The following SDK2 variants were observed in gnomAD, a reference collection of about 807,000 sequenced individuals.
The protein encoded by SDK2 is protein sidekick-2.
In SDK2, 105 loss-of-function variants were observed where a neutral mutation model predicts 253.9. The observed-to-expected ratio is 0.41, with a 90% CI of 0.35 to 0.49. The LOEUF (loss-of-function observed/expected upper bound fraction) is 0.49. Among genes scored for constraint, SDK2 ranks in the 20% least tolerant of loss-of-function variants. The probability of loss-of-function intolerance (pLI) is 0.06; values close to 1 mark genes in which losing one functional copy is unlikely to be tolerated. For missense variants in SDK2, 2,608 were observed against 3,003.0 expected, an observed-to-expected ratio of 0.87 and a Z score of 3.07; for synonymous variants, 1,249 against 1,234.9, an observed-to-expected ratio of 1.01 and a Z score of -0.24.
Position 73,610,543 on chromosome 17 carries a change from C to G in SDK2, c.64+33482G>C, listed in dbSNP as rs145937743. On this transcript the variant is annotated intron_variant, in intron 1 of 44. Transcript: ENST00000392650. Reference sequence around the variant, plus strand: ...GGATCTGACTCACAGGACTGCTTCACTGCAGCCACAAGACGGCCAGGAGAG... The same window carrying G: ...GGATCTGACTCACAGGACTGCTTCAGTGCAGCCACAAGACGGCCAGGAGAG... Among the ~76,000 whole-genome samples, 482 of 152,336 alleles carry G rather than the reference C, an allele frequency of 3.2e-3. 4 individuals carry two copies. The highest frequency in any genetic ancestry group is 0.011 in the African/African-American group (466 of 41,566).
chr17:73,583,183 T>C (rs1348567714), intron 1 of SDK2, among the ~76,000 whole-genome samples: 1 of 152,220 alleles, frequency 6.6e-6, no homozygotes, highest in African/African-American at 2.4e-5. Flanking sequence ...ACTGTAGTAA[T>C]GAAAGTTTTT....
At chr17:73,388,102 T>C in intron 29 of SDK2, 65 bp from the exon 30 acceptor site, 1 of 1,151,288 alleles carries the variant, frequency 8.7e-7, no homozygotes, top group Non-Finnish European at 1.3e-6. Context: ...GGGCTGGACT[T>C]TCTCGAGGGA....
chr17:73,352,569 C>G lies in SDK2; in HGVS notation c.5662G>C (p.Asp1888His). 6.2e-7 allele frequency: 1 copy of G among 1,614,050 alleles called. No individual in the cohort carries two copies. Among genetic ancestry groups the G allele is most frequent in the Non-Finnish European group, 8.5e-7 (1 of 1,179,886 alleles). Residue 1888 changes from aspartate to histidine, a missense_variant, in exon 41 of 45, where the codon GAC becomes CAC. By Grantham distance (81) the Asp-to-His change is moderately conservative. This residue lies in a region of SDK2 where 1,103 missense variants were observed against 1,143.9 expected (regional missense o/e 0.96). Coordinates refer to ENST00000392650, the MANE Select transcript of SDK2 (RefSeq NM_001144952.2). This position sits in a 1 kb window ranked among gnomAD's most constrained non-coding sequence, Gnocchi z 4.1. ...TAGCTCACGCCCGGCTTCAGGATGTCCATGCTGAACGTGTAGGAGCTCACC... is the reference window on the plus strand; with the variant it reads ...TAGCTCACGCCCGGCTTCAGGATGTGCATGCTGAACGTGTAGGAGCTCACC... ...KEVSSYTFSM[D>H]ILKPGVSYDF...
intron 6 of SDK2, among the ~76,000 whole-genome samples, chr17:73,439,410 C>G (rs995273471): frequency 2.0e-5 from 3 of 152,144 alleles, no homozygotes; most frequent in Admixed American, 2.0e-4. Flanking sequence ...TTTAGAAATG[C>G]TGCCAAAAAT....
At chr17:73,566,479 T>G (rs1007525266) in intron 1 of SDK2, among the ~76,000 whole-genome samples, 3 of 152,100 alleles carry the variant, frequency 2.0e-5, no homozygotes, top group Non-Finnish European at 2.9e-5. Flanking sequence ...AATTAGGTAA[T>G]GAACAAAGGT....
At chr17:73,369,699 C>A (rs2145440415) in intron 36 of SDK2, among the ~76,000 whole-genome samples, 1 of 152,348 alleles carries the variant, frequency 6.6e-6, no homozygotes, top group East Asian at 1.9e-4. Context: ...CGCACTGTCA[C>A]ACAGGCTGGA....
intron 2 of SDK2, among the ~76,000 whole-genome samples, chr17:73,499,295 GCA>G (rs2063867351): frequency 6.6e-6 from 1 of 152,238 alleles, no homozygotes; most frequent in Non-Finnish European, 1.5e-5. Flanking sequence ...CGTCACATGT[GCA>G]GGGCTTCTCT....
At chr17:73,598,268 G>A (rs1320430898) in intron 1 of SDK2, among the ~76,000 whole-genome samples, 1 of 152,180 alleles carries the variant, frequency 6.6e-6, no homozygotes, top group Admixed American at 6.5e-5. Context: ...GGGAGACTCG[G>A]TGTGGGGCGT....
chr17:73,509,213 T>C (rs1237365195), intron 1 of SDK2, among the ~76,000 whole-genome samples: 1 of 152,182 alleles, frequency 6.6e-6, no homozygotes. Flanking sequence ...AGTCTCTATT[T>C]CTCTATCAGT....
intron 1 of SDK2, among the ~76,000 whole-genome samples, chr17:73,524,635 C>T (rs767626654): frequency 4.6e-5 from 7 of 152,238 alleles, no homozygotes; most frequent in Non-Finnish European, 8.8e-5. Flanking sequence ...GTCATGAGGG[C>T]CAGGCACCTC....
intron 2 of SDK2, among the ~76,000 whole-genome samples, chr17:73,478,591 G>A (rs139690238): frequency 2.0e-5 from 3 of 152,202 alleles, no homozygotes; most frequent in Non-Finnish European, 4.4e-5. Flanking sequence ...ACAACAGTGG[G>A]AGGAAGAGCC....
At chr17:73,510,284 C>A (rs2063970075) in intron 1 of SDK2, among the ~76,000 whole-genome samples, 1 of 152,182 alleles carries the variant, frequency 6.6e-6, no homozygotes, top group Non-Finnish European at 1.5e-5. Flanking sequence ...CACCCCCAAA[C>A]CTTGCACCCC....
intron 3 of SDK2, among the ~76,000 whole-genome samples, chr17:73,460,109 G>A (rs1410359785): frequency 6.6e-6 from 1 of 152,174 alleles, no homozygotes; most frequent in African/African-American, 2.4e-5. Context: ...TGCAGGAAGT[G>A]ATGCCATGTG....
rs2145353560 is a variant in SDK2, at chr17:73,335,526, G to GAT, written c.*3059_*3060dup. On this transcript the variant is annotated 3_prime_UTR_variant, in exon 45 of 45. Transcript: ENST00000392650. Reference sequence around the variant, plus strand: ...GTTGGGAGCCTCGGCTGTGCCAGTAGATATGTAAACAAGGGCAAAGAGACG... The same window carrying GAT: ...GTTGGGAGCCTCGGCTGTGCCAGTAGATATATGTAAACAAGGGCAAAGAGACG... The GAT allele has an allele frequency of 6.6e-6, 1 of 152,418 alleles. No homozygotes were observed. The highest frequency in any genetic ancestry group is 2.4e-5 in the African/African-American group (1 of 41,580). The allele number at this position is 152,418 out of a possible 1,614,324, so 9.4% of individuals were successfully genotyped here.
chr17:73,375,387 G>A (rs2062769745), intron 36 of SDK2, among the ~76,000 whole-genome samples: 1 of 151,758 alleles, frequency 6.6e-6, no homozygotes, highest in Non-Finnish European at 1.5e-5. Context: ...CTACAGGCAT[G>A]TGCCACCACA....
intron 17 of SDK2, 60 bp downstream of exon 17, chr17:73,415,751 A>G (rs982459414): frequency 1.7e-4 from 242 of 1,436,670 alleles, no homozygotes; most frequent in Non-Finnish European, 2.2e-4. Flanking sequence ...GGCGTCCCAA[A>G]GTGCTAGGAT....
In SDK2 at chr17:73,423,449, AC is replaced by A. The variant is rs1238021298; in HGVS notation, c.1833del (p.Trp612GlyfsTer11). ...STVERRAINL[T>X]WTKPFDGNSP... ...CTGTTGCCATCAAAGGGCTTGGTCC[AC>A]GTCAGGTTGATGGCTCGCCTTTCCA... is the stretch of plus-strand genomic sequence containing the variant. On this transcript the variant is annotated frameshift_variant, in exon 14 of 45. Transcript: ENST00000392650. LOFTEE classifies it high-confidence loss of function. 6.3e-7 allele frequency: 1 copy of A among 1,592,424 alleles called. No homozygotes were observed.
intron 1 of SDK2, among the ~76,000 whole-genome samples, chr17:73,532,640 G>C (rs1454018793): frequency 2.0e-5 from 3 of 152,226 alleles, no homozygotes; most frequent in Non-Finnish European, 4.4e-5. Flanking sequence ...TGGACTGCCA[G>C]ACTGATGAGA....
intron 4 of SDK2, among the ~76,000 whole-genome samples, chr17:73,452,885 C>T (rs1304694096): frequency 6.6e-6 from 1 of 152,170 alleles, no homozygotes; most frequent in Non-Finnish European, 1.5e-5. Flanking sequence ...GGAGAGCATT[C>T]CCCTTCCACA....
Sources: allele counts gnomAD v4.1 joint callset (sites outside exome capture counted in the v4.1 genomes callset), GRCh38; gene constraint gnomAD v4.1.1; regional missense constraint gnomAD v4.1.1; non-coding constraint Gnocchi (gnomAD v3.1); transcripts MANE v1.5; gene names NCBI Gene and HGNC (gene_info 2026-07-23, HGNC 2026-07-21).